CBLIF: variants seen among roughly 807,000 people sequenced by gnomAD.
The protein encoded by CBLIF is cobalamin binding intrinsic factor.
In CBLIF, 24 loss-of-function variants were observed where a neutral mutation model predicts 44.9. The observed-to-expected ratio is 0.53, with a 90% CI of 0.39 to 0.75. The LOEUF is 0.75. Among genes scored for constraint, CBLIF ranks in the 30% least tolerant of loss-of-function variants. CBLIF has a pLI of 0.00. For missense variants in CBLIF, 481 were observed against 513.0 expected (o/e 0.94, Z 0.60); for synonymous variants, 183 against 190.9 (o/e 0.96, Z 0.34).
intron 4 of CBLIF, among the ~76,000 whole-genome samples, chr11:59,841,973 A>G (rs1013363960): frequency 6.6e-6 from 1 of 152,182 alleles, no homozygotes; most frequent in Non-Finnish European, 1.5e-5. Context: ...CCGAGTTGCC[A>G]TGAAGGGAAA....
At chr11:59,839,704 C>T (rs994498678) in intron 5 of CBLIF, among the ~76,000 whole-genome samples, 1 of 152,116 alleles carries the variant, frequency 6.6e-6, no homozygotes, top group East Asian at 1.9e-4. Flanking sequence ...TCCACATGGC[C>T]TGTGGTATTT....
chr11:59,832,022 T>A (rs1490856947), intron 7 of CBLIF, among the ~76,000 whole-genome samples: 1 of 152,190 alleles, frequency 6.6e-6, no homozygotes, highest in Non-Finnish European at 1.5e-5. Flanking sequence ...ATGCTTCAGA[T>A]AAATGCTTCA....
Position 59,841,268 on chromosome 11 carries a change from C to G in CBLIF, c.568G>C (p.Gly190Arg), listed in dbSNP as rs775795949. The G allele has an allele frequency of 1.2e-6, 2 of 1,613,786 alleles. No individual in the cohort carries two copies. The highest frequency in any genetic ancestry group is 3.3e-5 in the Admixed American group (2 of 60,022). ...AGGGATCTGTAACCTTCCTCTGAAC[C>G]TACAGGGATCTTGTTGTACATACAG... ...LTCMYNKIPV[G>R]SEEGYRSLFG... The change falls in exon 5 of 9, where the codon GGT becomes CGT. Residue 190 changes from glycine to arginine, a missense_variant. Coordinates refer to ENST00000257248, the MANE Select transcript of CBLIF (RefSeq NM_005142.3).
chr11:59,836,244 A>G (rs1017568791), intron 6 of CBLIF, among the ~76,000 whole-genome samples: 1 of 152,222 alleles, frequency 6.6e-6, no homozygotes, highest in Non-Finnish European at 1.5e-5. Flanking sequence ...TGAATGTGGT[A>G]GTTTTTGGTA....
rs376940691 is a variant in CBLIF at position 59,835,698 on chromosome 11, A to G, written c.1073+110T>C. 52 of 853,778 alleles carry G rather than the reference A, an allele frequency of 6.1e-5. No homozygotes were observed. The African/African-American group carries it at 7.6e-4, about 13-fold the overall frequency. 52.9% of individuals were successfully genotyped at this position (853,778 alleles called of 1,614,324 possible). ...GATTGAAAGCTGCTCAAGCGCTATT[A>G]AATAAAAATCTGTTATCAAAAGGAA... On this transcript the variant is annotated intron_variant, in intron 7 of 8. Coordinates refer to ENST00000257248, the MANE Select transcript of CBLIF (RefSeq NM_005142.3).
chr11:59,845,454 C>G lies in CBLIF; in HGVS notation c.-1G>C. 1 of 1,600,566 alleles carries G rather than the reference C, an allele frequency of 6.2e-7. No homozygotes were observed. Among genetic ancestry groups the G allele is most frequent in the Non-Finnish European group, 8.6e-7 (1 of 1,167,998 alleles). On this transcript the variant is annotated 5_prime_UTR_variant, in exon 1 of 9. Transcript: ENST00000257248. ...GGAGGTAGAGGGCAAACCAGGCCAT[C>G]TCACTCTCTCGTCTATGTCTCTCAT...
chr11:59,842,581 G>A lies in CBLIF; in HGVS notation c.373C>T (p.Pro125Ser), dbSNP rs200473324. Residue 125 changes from proline to serine, a missense_variant and splice_region_variant, in exon 4 of 9, where the codon CCC becomes TCC. Transcript: ENST00000257248. The stretch of plus-strand genomic sequence containing the variant: ...TAGAAGGCTGATGCTTCAGCGTTGG[G>A]GCCTCCGAAGGGGATAGAGAACCTT... ...RQMENWAPSS[P>S]NAEASAFYGP... 302 of 1,613,652 alleles carry A rather than the reference G, an allele frequency of 1.9e-4. No homozygotes were observed. The highest frequency in any genetic ancestry group is 2.3e-4 in the Non-Finnish European group (267 of 1,179,752).
Position 59,830,484 on chromosome 11 carries a change from G to A in CBLIF, c.1193-939C>T, listed in dbSNP as rs187230590. Among the ~76,000 whole-genome samples, 964 of 151,812 alleles carry A rather than the reference G, an allele frequency of 6.3e-3. 6 individuals carry two copies. The highest frequency in any genetic ancestry group is 0.013 in the Admixed American group (191 of 15,244). On this transcript the variant is annotated intron_variant, in intron 8 of 8. Coordinates refer to ENST00000257248, the MANE Select transcript of CBLIF (RefSeq NM_005142.3). ...GATCTCCTGACCTCCTGATCCGTCCGCCTTGGCCTCCCAAAGTGAATTACT... is the reference window on the plus strand; with the variant it reads ...GATCTCCTGACCTCCTGATCCGTCCACCTTGGCCTCCCAAAGTGAATTACT...
rs56127701 is a variant in CBLIF at position 59,834,300 on chromosome 11, CTTT to C, written c.1073+1505_1073+1507del. ...TCTTTCTTTCTTTCTTTCTTTCTTT[CTTT>C]CTTTCTTTCTTCCTTCCTTCCTTCC... On this transcript the variant is annotated intron_variant, in intron 7 of 8. Coordinates refer to ENST00000257248, the MANE Select transcript of CBLIF (RefSeq NM_005142.3). Among the ~76,000 whole-genome samples, 771 of 119,048 alleles carry C rather than the reference CTTT, an allele frequency of 6.5e-3. 6 individuals are homozygous for C. Among genetic ancestry groups the C allele is most frequent in the African/African-American group, 9.7e-3 (300 of 30,826 alleles). The allele number at this position is 119,048 out of a possible 152,430, so 78.1% of individuals were successfully genotyped here. A position where few individuals can be genotyped will look rare whatever the true frequency, so the allele number is the denominator to read the frequency against.
Position 59,835,333 on chromosome 11 carries a change from C to T in CBLIF, c.1073+475G>A, listed in dbSNP as rs536771388. Among the ~76,000 whole-genome samples, 22 of 151,998 alleles carry T rather than the reference C, an allele frequency of 1.4e-4. No individual in the cohort carries two copies. In the South Asian group the frequency reaches 3.7e-3, roughly 26 times the overall value. On this transcript the variant is annotated intron_variant, in intron 7 of 8. Transcript: ENST00000257248. Reference sequence around the variant, plus strand: ...GCTAATTTTGTGTTTTTAGTAGAGACGGGGTTTCACCATGTTGGTGAAACT... The same window carrying T: ...GCTAATTTTGTGTTTTTAGTAGAGATGGGGTTTCACCATGTTGGTGAAACT...
chr11:59,843,015 A>G lies in CBLIF; in HGVS notation c.370+13T>C, dbSNP rs367696324. On this transcript the variant is annotated intron_variant, in intron 3 of 8. Transcript: ENST00000257248. ...TATGCCTGACTCTTTTCTCCCTTCCAGTCAGGTCTTACTGGAAGGTGCCCA... is the reference window on the plus strand; with the variant it reads ...TATGCCTGACTCTTTTCTCCCTTCCGGTCAGGTCTTACTGGAAGGTGCCCA... 1.1e-5 allele frequency: 16 copies of G among 1,436,376 alleles called. No homozygotes were observed. The African/African-American group carries it at 2.2e-4, about 20-fold the overall frequency. The allele number at this position is 1,436,376 out of a possible 1,614,324, so 89.0% of individuals were successfully genotyped here. A position where few individuals can be genotyped will look rare whatever the true frequency, so the allele number is the denominator to read the frequency against.
intron 7 of CBLIF, among the ~76,000 whole-genome samples, chr11:59,834,634 C>G (rs1442799153): frequency 6.6e-6 from 1 of 151,958 alleles, no homozygotes; most frequent in African/African-American, 2.4e-5. Flanking sequence ...CTCAACTGAT[C>G]CACCCGCCTC....
rs562018293 is a variant in CBLIF at position 59,831,957 on chromosome 11, G to C, written c.1074-161C>G. On this transcript the variant is annotated intron_variant, in intron 7 of 8. Coordinates refer to ENST00000257248, the MANE Select transcript of CBLIF (RefSeq NM_005142.3). The stretch of plus-strand genomic sequence containing the variant: ...GCTAGTGGTGAGATCCTAGCTTATG[G>C]CAGCCTCAAAATCCTGGGCTCAAGC... Among the ~76,000 whole-genome samples, 3 of 152,228 alleles carry C rather than the reference G, an allele frequency of 2.0e-5. No homozygotes were observed. The East Asian group carries it at 5.8e-4, about 29-fold the overall frequency.
At chr11:59,842,354 G>A (rs1420929185) in intron 4 of CBLIF, 89 bp downstream of exon 4, 7 of 1,396,844 alleles carry the variant, frequency 5.0e-6, no homozygotes, top group East Asian at 2.3e-5. Flanking sequence ...TCCATGGGAC[G>A]CTCTCCTTTG....
Position 59,842,508 on chromosome 11 carries a change from G to A in CBLIF, c.446C>T (p.Ala149Val), listed in dbSNP as rs781509423. 6.2e-6 allele frequency: 10 copies of A among 1,613,860 alleles called. No individual in the cohort carries two copies. The highest frequency in any genetic ancestry group is 2.2e-5 in the East Asian group (1 of 44,872). ...ILALCQKNSE[A>V]TLPIAVRFAK... ...AAAGCGGACGGCTATCGGCAAGGTCGCCTCAGAGTTCTTCTGGCACAGTGC... is the reference window on the plus strand; with the variant it reads ...AAAGCGGACGGCTATCGGCAAGGTCACCTCAGAGTTCTTCTGGCACAGTGC... The change falls in exon 4 of 9, where the codon GCG (alanine) becomes GTG (valine). Residue 149 changes from alanine to valine, a missense_variant. Ala to Val is a moderately conservative substitution (Grantham distance 64). Transcript: ENST00000257248.
At position 59,837,234 on chromosome 11, in the gene CBLIF, T is replaced by G; in HGVS notation, c.811A>C (p.Ile271Leu). ...GTCTTGCCTTTCAGGGAAGGGAGGA[T>G]TTGAGCAATGGACATGGGGTTGTGG... is the stretch of plus-strand genomic sequence containing the variant. The part of the protein sequence containing the change: ...KFHNPMSIAQ[I>L]LPSLKGKTYL... The change falls in exon 6 of 9, where the codon ATC becomes CTC. Residue 271 changes from isoleucine (I) to leucine (L), a missense_variant. By Grantham distance (5) the Ile-to-Leu change is conservative. Transcript: ENST00000257248. 6.2e-7 allele frequency: 1 copy of G among 1,614,024 alleles called. No homozygotes were observed.
At chr11:59,831,574 AATT>A (rs1372817655) in intron 8 of CBLIF, 101 bp downstream of exon 8, 14 of 704,664 alleles carry the variant, frequency 2.0e-5, no homozygotes, top group Non-Finnish European at 3.4e-5. Flanking sequence ...ATGATCTCAT[AATT>A]ATTAATTAAG....
At position 59,835,907 on chromosome 11, in the gene CBLIF, A is replaced by C. The variant is rs758414461; in HGVS notation, c.974T>G (p.Val325Gly). The C allele has an allele frequency of 2.5e-6, 4 of 1,613,564 alleles. No individual in the cohort carries two copies. The highest frequency in any genetic ancestry group is 2.5e-6 in the Non-Finnish European group (3 of 1,179,812). The change falls in exon 7 of 9, where the codon GTT (valine) becomes GGT (glycine). Residue 325 changes from valine (V) to glycine (G), a missense_variant. By Grantham distance (109) the Val-to-Gly change is moderately radical. Coordinates refer to ENST00000257248, the MANE Select transcript of CBLIF (RefSeq NM_005142.3). The part of the protein sequence containing the change: ...IYTINNQLRG[V>G]ELLFNETINV... ...GATGGTCTCGTTGAAGAGCAGCTCAACCCCCCTCAGCTGGTTATTTATGGT... is the reference window on the plus strand; with the variant it reads ...GATGGTCTCGTTGAAGAGCAGCTCACCCCCCCTCAGCTGGTTATTTATGGT...
Position 59,831,812 on chromosome 11 carries a change from T to C in CBLIF, c.1074-16A>G. On this transcript the variant is annotated splice_polypyrimidine_tract_variant and intron_variant, in intron 7 of 8. Coordinates refer to ENST00000257248, the MANE Select transcript of CBLIF (RefSeq NM_005142.3). ...GGTTTCAAATCTAAAAAAAAGTTTA[T>C]ATATGATTAACATCTCACTTTAGGT... 8.2e-7 allele frequency: 1 copy of C among 1,212,956 alleles called. No homozygotes were observed. Among genetic ancestry groups the C allele is most frequent in the Non-Finnish European group, 1.2e-6 (1 of 813,296 alleles). 75.1% of individuals were successfully genotyped at this position (1,212,956 alleles called of 1,614,324 possible). A position where few individuals can be genotyped will look rare whatever the true frequency, so the allele number is the denominator to read the frequency against.
Sources: gnomAD v4.1 joint callset for allele counts (sites outside exome capture counted in the v4.1 genomes callset) on GRCh38, gnomAD v4.1.1 for gene constraint, MANE v1.5 for transcripts, NCBI Gene and HGNC (gene_info 2026-07-23, HGNC 2026-07-21) for gene names.